The following DST variants were observed in gnomAD, a reference collection of about 807,000 sequenced individuals.
DST encodes the protein bullous pemphigoid antigen.
DST carries 253 observed loss-of-function variants against 875.2 expected under a neutral mutation model. The ratio of observed to expected loss-of-function variants is 0.29; its 90% CI spans 0.26 to 0.32. The LOEUF is 0.32. Ranked by LOEUF, DST falls within the 10% of genes least tolerant of loss-of-function variation. The pLI is 1.00. For missense variants in DST, 8,287 were observed against 9,111.6 expected, an observed-to-expected ratio of 0.91 and a Z score of 3.68; for synonymous variants, 3,124 against 3,197.1, an observed-to-expected ratio of 0.98 and a Z score of 0.77.
At chr6:56,627,177 T>C in intron 34 of DST, 27 bp downstream of exon 34, 1 of 1,525,870 alleles carries the variant, frequency 6.6e-7, no homozygotes, top group Non-Finnish European at 9.1e-7. Flanking sequence ...AATATTAAAT[T>C]TTACTAAAGT....
chr6:56,904,046 G>C (rs1346735782), intron 2 of DST, among the ~76,000 whole-genome samples: 1 of 152,140 alleles, frequency 6.6e-6, no homozygotes, highest in Non-Finnish European at 1.5e-5. Context: ...GTAATTCATA[G>C]GGTTGCTGAA....
chr6:56,723,717 C>T (rs2099430681), intron 5 of DST, among the ~76,000 whole-genome samples: 1 of 152,068 alleles, frequency 6.6e-6, no homozygotes, highest in Non-Finnish European at 1.5e-5. Flanking sequence ...GCAGGATTTC[C>T]CAAAGGGAGA....
rs1038041477 is a variant in DST at position 56,810,125 on chromosome 6, G to A, written c.625+41272C>T. Among the ~76,000 whole-genome samples, 7 of 152,048 alleles carry A rather than the reference G, an allele frequency of 4.6e-5. No homozygotes were observed. In the East Asian group the frequency reaches 5.8e-4, roughly 13 times the overall value. On this transcript the variant is annotated intron_variant, in intron 4 of 103. Coordinates refer to ENST00000680361, the MANE Select transcript of DST (RefSeq NM_001374736.1). The stretch of plus-strand genomic sequence containing the variant: ...AAGGACTGCTTGAAGCCAGAAGTTC[G>A]AGACCAGCTTGGACAACATAGCAAG...
chr6:56,886,469 T>C (rs1426841492), intron 3 of DST, among the ~76,000 whole-genome samples: 1 of 152,148 alleles, frequency 6.6e-6, no homozygotes, highest in Non-Finnish European at 1.5e-5. Flanking sequence ...GAAGTACTAC[T>C]CCAAAGCTAT....
chr6:56,835,866 G>A (rs927322975), intron 4 of DST, among the ~76,000 whole-genome samples: 1 of 152,158 alleles, frequency 6.6e-6, no homozygotes, highest in Non-Finnish European at 1.5e-5. Context: ...TCAAGACTTT[G>A]TCAACGCTCT....
At chr6:56,539,021 C>T (rs558422112) in intron 61 of DST, among the ~76,000 whole-genome samples, 9 of 151,282 alleles carry the variant, frequency 5.9e-5, no homozygotes, top group Middle Eastern at 3.4e-3. Context: ...AAAGTGGGGG[C>T]GGAGGGTGGG....
chr6:56,495,507 T>C lies in DST; in HGVS notation c.20224-1327A>G, dbSNP rs919233705. On this transcript the variant is annotated intron_variant, in intron 82 of 103. Coordinates refer to ENST00000680361, the MANE Select transcript of DST (RefSeq NM_001374736.1). The stretch of plus-strand genomic sequence containing the variant: ...AGTTAACATTTTAAAAATATTTATA[T>C]TATTAGAAAATAATCCCAAGCATCT... Among the ~76,000 whole-genome samples, 31 of 152,148 alleles carry C rather than the reference T, an allele frequency of 2.0e-4. No homozygotes were observed. The East Asian group carries it at 5.6e-3, about 27-fold the overall frequency.
chr6:56,829,979 T>G lies in DST; in HGVS notation c.625+21418A>C, dbSNP rs1161111166. ...ATTGTTGAATTTCTAAAATTCATAG[T>G]GATTAGAATTTCTTAATTGGATATA... On this transcript the variant is annotated intron_variant, in intron 4 of 103. Coordinates refer to ENST00000680361, the MANE Select transcript of DST (RefSeq NM_001374736.1). 2.0e-5 allele frequency among the ~76,000 whole-genome samples: 3 copies of G among 151,284 alleles called. No homozygotes were observed. In the East Asian group the frequency reaches 5.8e-4, roughly 29 times the overall value.
At chr6:56,914,913 AAGGAAGGCAAATG>A (rs2127724703) in intron 2 of DST, among the ~76,000 whole-genome samples, 1 of 152,356 alleles carries the variant, frequency 6.6e-6, no homozygotes, top group African/African-American at 2.4e-5. Context: ...ATTCAAAGCT[AAGGAAGGCAAATG>A]AGGAAGGCTG....
At chr6:56,827,021 G>GT (rs1335536916) in intron 4 of DST, among the ~76,000 whole-genome samples, 2 of 152,100 alleles carry the variant, frequency 1.3e-5, no homozygotes, top group Non-Finnish European at 2.9e-5. Flanking sequence ...ACTACTCCTA[G>GT]TTTTTTAAAA....
intron 3 of DST, among the ~76,000 whole-genome samples, chr6:56,873,499 T>G (rs1046243054): frequency 5.9e-5 from 9 of 152,028 alleles, no homozygotes; most frequent in South Asian, 2.1e-4. Context: ...AATTGTGAGA[T>G]ATATATATAT....
chr6:56,849,237 A>G (rs1352850031), intron 4 of DST, among the ~76,000 whole-genome samples: 4 of 149,682 alleles, frequency 2.7e-5, no homozygotes, highest in Non-Finnish European at 5.9e-5. Flanking sequence ...CCTGGGTTCA[A>G]GCAATTCTCC....
rs1535611 is a variant in DST at position 56,485,168 on chromosome 6, C to T, written c.21207+144G>A. 29,321 of 863,392 alleles carry T rather than the reference C, an allele frequency of 0.034. 686 individuals are homozygous for T. Among genetic ancestry groups the T allele is most frequent in the Non-Finnish European group, 0.043 (24,637 of 568,256 alleles). 53.5% of individuals were successfully genotyped at this position (863,392 alleles called of 1,614,324 possible). On this transcript the variant is annotated intron_variant, in intron 88 of 103. Coordinates refer to ENST00000680361, the MANE Select transcript of DST (RefSeq NM_001374736.1). ...AGTTTGCTTCCAGGTTCTGCTCAAACGGACACATATTTCAACAATAAAGAC... is the reference window on the plus strand; with the variant it reads ...AGTTTGCTTCCAGGTTCTGCTCAAATGGACACATATTTCAACAATAAAGAC...
chr6:56,787,557 A>G (rs1159875209), intron 4 of DST, among the ~76,000 whole-genome samples: 4 of 152,222 alleles, frequency 2.6e-5, no homozygotes, highest in Admixed American at 2.6e-4. Flanking sequence ...GCATGGACAA[A>G]TATGAAATTG....
intron 9 of DST, among the ~76,000 whole-genome samples, chr6:56,676,443 A>T (rs1172440825): frequency 6.6e-6 from 1 of 152,202 alleles, no homozygotes; most frequent in Non-Finnish European, 1.5e-5. Flanking sequence ...TAGTAAAACC[A>T]TTATGGAAAA....
At chr6:56,609,489 T>C in intron 39 of DST, 145 bp from the exon 40 acceptor site, 2 of 634,842 alleles carry the variant, frequency 3.2e-6, no homozygotes, top group East Asian at 5.4e-5. Flanking sequence ...GCTGTGAATG[T>C]TAGGCAGTTC....
Position 56,504,027 on chromosome 6 carries a change from T to C in DST, c.19536A>G (p.Glu6512=). 6 of 1,609,278 alleles carry C rather than the reference T, an allele frequency of 3.7e-6. No homozygotes were observed. The highest frequency in any genetic ancestry group is 5.1e-6 in the Non-Finnish European group (6 of 1,177,978). Residue 6512 remains glutamate, a synonymous_variant, in exon 78 of 104, where the codon GAA becomes GAG. Coordinates refer to ENST00000680361, the MANE Select transcript of DST (RefSeq NM_001374736.1). The part of the protein sequence containing the change: ...ASMSPIGTDL[E]TVKQQIEELK... ...GCTCTTCAATCTGCTGCTTGACAGT[T>C]TCGAGATCTGTTCCAATTGGAGACA...
chr6:56,609,080 G>A lies in DST; in HGVS notation c.5548C>T (p.Pro1850Ser), dbSNP rs1157055146. ...KAKEIISAAS[P>S]TTIPVLDALA... Reference sequence around the variant, plus strand: ...GCATCCAGTACTGGAATTGTGGTAGGTGACGCAGCAGAAATAATCTCCTTA... The same window carrying A: ...GCATCCAGTACTGGAATTGTGGTAGATGACGCAGCAGAAATAATCTCCTTA... Residue 1850 changes from proline to serine, a missense_variant, in exon 40 of 104, where the codon CCT becomes TCT. Physicochemically the swap from Pro to Ser is moderately conservative, Grantham distance 74 (BLOSUM62 -1). Coordinates refer to ENST00000680361, the MANE Select transcript of DST (RefSeq NM_001374736.1). 2 of 1,613,858 alleles carry A rather than the reference G, an allele frequency of 1.2e-6. No individual in the cohort carries two copies. The highest frequency in any genetic ancestry group is 3.3e-5 in the Admixed American group (2 of 59,988).
At chr6:56,897,052 A>G (rs1433697267) in intron 3 of DST, among the ~76,000 whole-genome samples, 1 of 152,190 alleles carries the variant, frequency 6.6e-6, no homozygotes, top group Non-Finnish European at 1.5e-5. Flanking sequence ...GCCAATGTCT[A>G]GAAGGGTTTT....
Sources: allele counts gnomAD v4.1 joint callset (sites outside exome capture counted in the v4.1 genomes callset), GRCh38; gene constraint gnomAD v4.1.1; transcripts MANE v1.5; gene names NCBI Gene and HGNC (gene_info 2026-07-23, HGNC 2026-07-21).